ANO1: variants seen among roughly 807,000 people sequenced by gnomAD.
The protein encoded by ANO1 is anoctamin-1.
A neutral mutation model predicts 124.0 loss-of-function variants in ANO1; 59 were observed. The observed-to-expected ratio is 0.48, with a 90% CI of 0.39 to 0.59. The LOEUF is 0.59. Ranked by LOEUF, ANO1 falls within the 20% of genes least tolerant of loss-of-function variation. The pLI is 0.00. For missense variants in ANO1, 1,059 were observed against 1,328.0 expected (o/e 0.80, Z 3.15); for synonymous variants, 529 against 532.0 (o/e 0.99, Z 0.08).
At chr11:70,042,153 G>A (rs555838066) in intron 1 of ANO1, among the ~76,000 whole-genome samples, 1 of 152,220 alleles carries the variant, frequency 6.6e-6, no homozygotes, top group African/African-American at 2.4e-5. Flanking sequence ...GTAGTAACAG[G>A]GGTCAGACTT....
chr11:70,066,854 G>T (rs948759715), intron 1 of ANO1, among the ~76,000 whole-genome samples: 12 of 152,092 alleles, frequency 7.9e-5, no homozygotes, highest in Non-Finnish European at 1.5e-4. Flanking sequence ...CCCCGGCCTG[G>T]TTGCTGCCAG....
chr11:70,019,248 C>CA (rs1856757680), intron 1 of ANO1, among the ~76,000 whole-genome samples: 1 of 77,136 alleles, frequency 1.3e-5, no homozygotes, highest in South Asian at 5.2e-4. Context: ...CCCCCCCACA[C>CA]ACACACACAC....
At chr11:70,157,138 G>A (rs562294216) in intron 16 of ANO1, 117 bp downstream of exon 16, 469 of 865,472 alleles carry the variant, frequency 5.4e-4, no homozygotes, top group Middle Eastern at 1.1e-3. Context: ...AGGCCGAGGC[G>A]GGCAGATCAC....
intron 2 of ANO1, among the ~76,000 whole-genome samples, chr11:70,099,744 C>T (rs1313277633): frequency 6.6e-6 from 1 of 152,198 alleles, no homozygotes; most frequent in African/African-American, 2.4e-5. Flanking sequence ...CTGCCAAGAG[C>T]ACCAGAGGCT....
chr11:70,011,069 A>T (rs1856591513), intron 1 of ANO1, among the ~76,000 whole-genome samples: 1 of 152,196 alleles, frequency 6.6e-6, no homozygotes, highest in Non-Finnish European at 1.5e-5. Context: ...GGAGAGTCTG[A>T]CATGATATGT....
At chr11:70,052,092 C>CCATTTATTGATTCCACAG (rs1857357456) in intron 1 of ANO1, among the ~76,000 whole-genome samples, 3 of 150,766 alleles carry the variant, frequency 2.0e-5, no homozygotes, top group African/African-American at 5.0e-5. Context: ...ACTCTCCACA[C>CCATTTATTGATTCCACAG]CATTTATTGA....
intron 22 of ANO1, among the ~76,000 whole-genome samples, chr11:70,179,293 G>A (rs183448921): frequency 6.6e-6 from 1 of 152,210 alleles, no homozygotes; most frequent in Non-Finnish European, 1.5e-5. Context: ...GGTGAGGCGG[G>A]GGTCAGCCCG....
Position 70,010,152 on chromosome 11 carries a change from T to C in ANO1, c.58+23986T>C, listed in dbSNP as rs1372259002. 5.8e-3 allele frequency among the ~76,000 whole-genome samples: 363 copies of C among 63,012 alleles called. 33 individuals are homozygous for C. Among genetic ancestry groups the C allele is most frequent in the African/African-American group, 0.019 (347 of 18,368 alleles). 41.3% of individuals were successfully genotyped at this position (63,012 alleles called of 152,430 possible). On this transcript the variant is annotated intron_variant, in intron 1 of 27. Transcript: ENST00000531349. Reference sequence around the variant, plus strand: ...ATTCCATGGTGTGTGTGTGTGTGTGTGTGTGTGTGTGTGCGCGTGTGTGTG... The same window carrying C: ...ATTCCATGGTGTGTGTGTGTGTGTGCGTGTGTGTGTGTGCGCGTGTGTGTG...
In ANO1 at chr11:70,103,155, G is replaced by A. The variant is rs776538381; in HGVS notation, c.531G>A (p.Pro177=). The part of the protein sequence containing the change: ...REAEFLKLKM[P]TKKMYHINET... ...CCGAGTTTCTGAAACTGAAGATGCC[G>A]ACGAAGAAGGTTGGTGTTGATGGTC... Residue 177 remains proline (P), a synonymous_variant, in exon 3 of 26, where the codon CCG becomes CCA. Transcript: ENST00000355303. The A allele has an allele frequency of 1.3e-5, 21 of 1,609,976 alleles. No individual in the cohort carries two copies. The highest frequency in any genetic ancestry group is 4.4e-5 in the South Asian group (4 of 90,040).
chr11:70,131,303 A>ATG (rs58686061), intron 10 of ANO1, among the ~76,000 whole-genome samples: 1,554 of 149,098 alleles, frequency 0.01, 17 homozygotes, highest in South Asian at 0.068. Flanking sequence ...TCAAAAATCA[A>ATG]TGTGTGTGTG....
At chr11:70,073,049 A>G (rs2044000500) in intron 1 of ANO1, 1 of 152,220 alleles carries the variant, frequency 6.6e-6, no homozygotes, top group Non-Finnish European at 1.5e-5. Flanking sequence ...CCTCTGCGAG[A>G]TGGAAGTTCC....
chr11:69,976,533 AAAAAAAAAAAAAAAAAAAAAAG>A, the ANO1 span, among the ~76,000 whole-genome samples: 7 of 30,936 alleles, frequency 2.3e-4, 1 homozygote, highest in East Asian at 4.4e-3. Flanking sequence ...AAAAAAAAAA[AAAAAAAAAAAAAAAAAAAAAAG>A]AGAGAGAGAG....
chr11:70,118,579 T>TGGAC (rs2046091568), intron 8 of ANO1, among the ~76,000 whole-genome samples: 1 of 123,476 alleles, frequency 8.1e-6, no homozygotes, highest in South Asian at 2.6e-4. Context: ...GATGGATAGA[T>TGGAC]GGATGGATGG....
intron 1 of ANO1, among the ~76,000 whole-genome samples, chr11:70,005,636 T>C (rs1450844906): frequency 6.6e-6 from 1 of 152,172 alleles, no homozygotes; most frequent in East Asian, 1.9e-4. Context: ...GCCATGTCTT[T>C]CTCCCCCTCA....
chr11:70,163,264 A>G lies in ANO1; in HGVS notation c.1893-19A>G. ...CCAGGGGCTCATCTTTTCTCTAACG[A>G]CCTCCCCCATCGTTTCAGGTTTGTT... On this transcript the variant is annotated intron_variant, in intron 18 of 25. Coordinates refer to ENST00000355303, the MANE Select transcript of ANO1 (RefSeq NM_018043.7). 6.2e-7 allele frequency: 1 copy of G among 1,610,640 alleles called. No homozygotes were observed. The highest frequency in any genetic ancestry group is 8.5e-7 in the Non-Finnish European group (1 of 1,179,140).
chr11:70,161,479 C>A, intron 17 of ANO1, 117 bp downstream of exon 17: 1 of 1,399,164 alleles, frequency 7.1e-7, no homozygotes, highest in Non-Finnish European at 1.0e-6. Flanking sequence ...CTCCCTGGTT[C>A]TCAATGGGTA....
chr11:70,163,559 G>A lies in ANO1; in HGVS notation c.1950+219G>A, dbSNP rs924423278. 4.5e-5 allele frequency: 28 copies of A among 626,860 alleles called. No individual in the cohort carries two copies. In the Middle Eastern group the frequency reaches 1.0e-3, roughly 22 times the overall value. The allele number at this position is 626,860 out of a possible 1,614,324, so 38.8% of individuals were successfully genotyped here. A position where few individuals can be genotyped will look rare whatever the true frequency, so the allele number is the denominator to read the frequency against. On this transcript the variant is annotated intron_variant, in intron 19 of 25. Transcript: ENST00000355303. ...TAGAATCACCTAGAAGGATAAAGTC[G>A]CTGTAGAGTTAATGAAAGAAAAACA...
intron 5 of ANO1, among the ~76,000 whole-genome samples, chr11:70,107,507 G>GGGGGGAGGA (rs2045604237): frequency 1.2e-5 from 1 of 85,304 alleles, no homozygotes. Flanking sequence ...GCGGGGAAGC[G>GGGGGGAGGA]GTCAGATGGC....
At chr11:70,004,354 A>G (rs1020883848) in intron 1 of ANO1, among the ~76,000 whole-genome samples, 1 of 152,230 alleles carries the variant, frequency 6.6e-6, no homozygotes, top group Non-Finnish European at 1.5e-5. Flanking sequence ...AATGGCTAAT[A>G]TTTGCTGTGT....
Sources: allele counts gnomAD v4.1 joint callset (sites outside exome capture counted in the v4.1 genomes callset), GRCh38; gene constraint gnomAD v4.1.1; transcripts MANE v1.5; gene names NCBI Gene and HGNC (gene_info 2026-07-23, HGNC 2026-07-21).